IL1RN: variants seen among roughly 807,000 people sequenced by gnomAD.
IL1RN encodes interleukin 1 receptor antagonist.
In IL1RN, 10 loss-of-function variants were observed where a neutral mutation model predicts 13.7. That is an observed-to-expected ratio of 0.73 (90% CI 0.45 to 1.24). The LOEUF (loss-of-function observed/expected upper bound fraction) is 1.24, where lower values mean the gene tolerates loss of function less well. Ranked by LOEUF, IL1RN falls within the 50% of genes most tolerant of loss-of-function variation. The pLI is 0.00. For synonymous variants in IL1RN, 102 were observed against 82.7 expected (o/e 1.23, Z -1.27); for missense variants, 213 against 222.1 (o/e 0.96, Z 0.26).
chr2:113,100,218 T>C, the IL1RN span, among the ~76,000 whole-genome samples: 3,882 of 149,238 alleles, frequency 0.026, 155 homozygotes, highest in African/African-American at 0.092. Context: ...GCCAGCTACT[T>C]GGGAGGCTGA....
At position 113,129,656 on chromosome 2, in the gene IL1RN, A is replaced by G. The variant is rs761355602; in HGVS notation, c.197A>G (p.Asn66Ser). The G allele has an allele frequency of 1.3e-5, 21 of 1,608,458 alleles. No individual in the cohort carries two copies. The highest frequency in any genetic ancestry group is 1.6e-4 in the Middle Eastern group (1 of 6,074). ...VAGYLQGPNVNLEEKIDVVPI... is the reference protein window; with the variant it reads ...VAGYLQGPNVSLEEKIDVVPI... ...GGATACTTGCAAGGACCAAATGTCA[A>G]TTTAGAAGGTGAGTGGTTGCCAGGA... is the stretch of plus-strand genomic sequence containing the variant. Residue 66 changes from asparagine to serine, a missense_variant, in exon 2 of 4, where the codon AAT (asparagine) becomes AGT (serine). By Grantham distance (46) the Asn-to-Ser change is conservative (BLOSUM62 1). Coordinates refer to ENST00000409930, the MANE Select transcript of IL1RN (RefSeq NM_173842.3).
the IL1RN span, among the ~76,000 whole-genome samples, chr2:113,101,380 A>G: frequency 6.6e-6 from 1 of 152,242 alleles, no homozygotes; most frequent in South Asian, 2.1e-4. Context: ...CCGACATTCA[A>G]TGATATTTTA....
In IL1RN at chr2:113,131,067, T is replaced by C; in HGVS notation, c.228T>C (p.Ile76=). Residue 76 remains isoleucine, a synonymous_variant, in exon 3 of 4, where the codon ATT becomes ATC. Transcript: ENST00000409930. Reference sequence around the variant, plus strand: ...CAGAAAAGATAGATGTGGTACCCATTGAGCCTCATGCTCTGTTCTTGGGAA... The same window carrying C: ...CAGAAAAGATAGATGTGGTACCCATCGAGCCTCATGCTCTGTTCTTGGGAA... ...NLEEKIDVVP[I]EPHALFLGIH... 1 of 1,611,312 alleles carries C rather than the reference T, an allele frequency of 6.2e-7. No individual in the cohort carries two copies. Among genetic ancestry groups the C allele is most frequent in the Middle Eastern group, 1.6e-4 (1 of 6,062 alleles).
At chr2:113,126,673 C>T (rs940998578), upstream of IL1RN, among the ~76,000 whole-genome samples, 1 of 152,014 alleles carries the variant, frequency 6.6e-6, no homozygotes, top group Non-Finnish European at 1.5e-5. Flanking sequence ...ACACCTGCTT[C>T]CTCCCTCCCT....
At chr2:113,115,731 A>T (rs1341993642), upstream of IL1RN, 1 of 152,214 alleles carries the variant, frequency 6.6e-6, no homozygotes, top group Non-Finnish European at 1.5e-5. Flanking sequence ...CCACTGATCC[A>T]TCAGAACTTC....
chr2:113,131,316 G>C (rs1434165170), intron 3 of IL1RN, among the ~76,000 whole-genome samples, 159 bp downstream of exon 3: 2 of 152,234 alleles, frequency 1.3e-5, no homozygotes, highest in East Asian at 3.8e-4. Flanking sequence ...GCATTCAGCA[G>C]AGTGCCTGGC....
intron 3 of IL1RN, among the ~76,000 whole-genome samples, chr2:113,131,759 C>T (rs990762311): frequency 1.5e-4 from 23 of 152,184 alleles, no homozygotes; most frequent in African/African-American, 5.3e-4. Flanking sequence ...TGGTGCTCCA[C>T]CCAGAGCCCT....
chr2:113,102,824 T>C (rs1283642454), upstream of IL1RN, among the ~76,000 whole-genome samples: 1 of 152,152 alleles, frequency 6.6e-6, no homozygotes, highest in African/African-American at 2.4e-5. Flanking sequence ...ATCACAATGG[T>C]GGAATGTCAT....
chr2:113,115,506 C>G (rs1686574685), upstream of IL1RN: 1 of 152,230 alleles, frequency 6.6e-6, no homozygotes, highest in Non-Finnish European at 1.5e-5. Flanking sequence ...ATGCCACAGG[C>G]TGGCAGGTTA....
rs1687249319 is a variant in IL1RN at position 113,133,548 on chromosome 2, C to T, written c.*677C>T. The T allele has an allele frequency of 1.3e-5, 2 of 153,088 alleles. No homozygotes were observed. The highest frequency in any genetic ancestry group is 4.8e-5 in the African/African-American group (2 of 41,346). 9.5% of individuals were successfully genotyped at this position (153,088 alleles called of 1,614,324 possible). On this transcript the variant is annotated 3_prime_UTR_variant, in exon 4 of 4. Coordinates refer to ENST00000409930, the MANE Select transcript of IL1RN (RefSeq NM_173842.3). ...AAAAGTTATGGTACTATGTTAGCCCCATAATTTTTTTTTTCCTTTTAAAAC... is the reference window on the plus strand; with the variant it reads ...AAAAGTTATGGTACTATGTTAGCCCTATAATTTTTTTTTTCCTTTTAAAAC...
At chr2:113,103,403 GA>G (rs1329061071), upstream of IL1RN, among the ~76,000 whole-genome samples, 1 of 152,238 alleles carries the variant, frequency 6.6e-6, no homozygotes, top group Non-Finnish European at 1.5e-5. Context: ...TCCAATGTAA[GA>G]ACAAGCGTTC....
chr2:113,132,316 T>G (rs1432088948), intron 3 of IL1RN, among the ~76,000 whole-genome samples: 1 of 152,100 alleles, frequency 6.6e-6, no homozygotes, highest in Non-Finnish European at 1.5e-5. Context: ...GGTGTGGTGG[T>G]GCATGCCTGT....
Position 113,111,721 on chromosome 2 carries a change from C to T in IL1RN, c.-388+522C>T, listed in dbSNP as rs79916735. On this transcript the variant is annotated intron_variant, in intron 1 of 8. Coordinates refer to the IL1RN transcript ENST00000409052. Reference sequence around the variant, plus strand: ...AACTGTTCTTTCCATTCAGTCTTTCCTTTACACTCACACAGGTGAGGACCC... The same window carrying T: ...AACTGTTCTTTCCATTCAGTCTTTCTTTTACACTCACACAGGTGAGGACCC... Among the ~76,000 whole-genome samples, 478 of 152,352 alleles carry T rather than the reference C, an allele frequency of 3.1e-3. 3 individuals carry two copies. The highest frequency in any genetic ancestry group is 5.2e-3 in the Non-Finnish European group (354 of 68,032).
intron 1 of IL1RN, among the ~76,000 whole-genome samples, chr2:113,111,870 T>C (rs1208982056): frequency 6.6e-6 from 1 of 152,258 alleles, no homozygotes; most frequent in African/African-American, 2.4e-5. Context: ...CTGGGTTAGA[T>C]GTGCACCCTG....
At position 113,131,031 on chromosome 2, in the gene IL1RN, C is replaced by T. The variant is rs368453892; in HGVS notation, c.206-14C>T. On this transcript the variant is annotated splice_polypyrimidine_tract_variant and intron_variant, in intron 2 of 3. Transcript: ENST00000409930. ...TCTTCTATTAACCTGACCCTCCCCT[C>T]TGTTCTTCCCCAGAAAAGATAGATG... The T allele has an allele frequency of 3.3e-6, 5 of 1,532,040 alleles. No homozygotes were observed. In the African/African-American group the frequency reaches 6.8e-5, roughly 21 times the overall value. 94.9% of individuals were successfully genotyped at this position (1,532,040 alleles called of 1,614,324 possible).
upstream of IL1RN, among the ~76,000 whole-genome samples, chr2:113,126,089 T>C (rs1686947435): frequency 6.6e-6 from 1 of 152,174 alleles, no homozygotes; most frequent in South Asian, 2.1e-4. Context: ...TGAGCCACCG[T>C]GCCCAGCCCA....
chr2:113,113,525 C>T (rs1686536853), upstream of IL1RN, among the ~76,000 whole-genome samples: 1 of 152,054 alleles, frequency 6.6e-6, no homozygotes, highest in Admixed American at 6.5e-5. Context: ...CTATAAGTAA[C>T]AATACTGTAT....
At chr2:113,114,290 C>A (rs568520605), upstream of IL1RN, among the ~76,000 whole-genome samples, 1 of 152,254 alleles carries the variant, frequency 6.6e-6, no homozygotes, top group South Asian at 2.1e-4. Context: ...AGGTGACCAC[C>A]CTAAGGCTTA....
At chr2:113,106,299 C>G (rs1686387359), upstream of IL1RN, among the ~76,000 whole-genome samples, 1 of 152,114 alleles carries the variant, frequency 6.6e-6, no homozygotes, top group African/African-American at 2.4e-5. Context: ...AATAAAGATA[C>G]AAAATAATAA....
Sources: allele counts gnomAD v4.1 joint callset (sites outside exome capture counted in the v4.1 genomes callset), GRCh38; gene constraint gnomAD v4.1.1; transcripts MANE v1.5; gene names NCBI Gene and HGNC (gene_info 2026-07-23, HGNC 2026-07-21).